WNT3A: variants seen among roughly 807,000 people sequenced by gnomAD.
The protein encoded by WNT3A is protein Wnt-3a.
A neutral mutation model predicts 37.0 loss-of-function variants in WNT3A; 17 were observed. That is an observed-to-expected ratio of 0.46 (90% CI 0.31 to 0.69). WNT3A has a LOEUF of 0.69. Ranked by LOEUF, WNT3A falls within the 30% of genes least tolerant of loss-of-function variation. WNT3A has a pLI of 0.05. For synonymous variants in WNT3A, 187 were observed against 211.0 expected (o/e 0.89, Z 0.99); for missense variants, 411 against 510.2 (o/e 0.81, Z 1.87).
At chr1:228,048,131 C>T (rs929139856) in intron 2 of WNT3A, among the ~76,000 whole-genome samples, 14 of 152,200 alleles carry the variant, frequency 9.2e-5, no homozygotes, top group Admixed American at 2.6e-4. Context: ...CACTGTGGGA[C>T]GTAGCCCTGT....
At position 228,007,315 on chromosome 1, in the gene WNT3A, G is replaced by A. The variant is rs2030226974; in HGVS notation, c.71+116G>A. 9.7e-6 allele frequency: 10 copies of A among 1,031,606 alleles called. No homozygotes were observed. In the South Asian group the frequency reaches 1.4e-4, roughly 14 times the overall value. The allele number at this position is 1,031,606 out of a possible 1,614,324, so 63.9% of individuals were successfully genotyped here. ...GCCCGCGCCCTTCTGCTCCAGCCCC[G>A]CGTGCGGGCCGCGGGCGGTTGGTTT... is the stretch of plus-strand genomic sequence containing the variant. On this transcript the variant is annotated intron_variant, in intron 1 of 3. Transcript: ENST00000284523. The surrounding 1 kb of genome is among the most constrained non-coding windows in gnomAD (Gnocchi z 6.0).
chr1:228,041,509 A>G (rs1037376472), intron 2 of WNT3A, among the ~76,000 whole-genome samples: 3 of 150,844 alleles, frequency 2.0e-5, no homozygotes, highest in South Asian at 2.1e-4. Context: ...TCATCCATCT[A>G]TCCATCAATT....
At chr1:228,016,104 T>A (rs530073827) in intron 1 of WNT3A, among the ~76,000 whole-genome samples, 3 of 152,188 alleles carry the variant, frequency 2.0e-5, no homozygotes, top group African/African-American at 4.8e-5. Context: ...CTTTTGGGGA[T>A]CCTACTGACT....
At chr1:228,035,646 G>A (rs912524515) in intron 2 of WNT3A, among the ~76,000 whole-genome samples, 1 of 152,216 alleles carries the variant, frequency 6.6e-6, no homozygotes, top group Non-Finnish European at 1.5e-5. Context: ...GATTAATGCC[G>A]CAGGCTCTCC....
rs766626407 is a variant in WNT3A, at chr1:228,060,198, G to T, written c.*733G>T. On this transcript the variant is annotated 3_prime_UTR_variant, in exon 4 of 4. Coordinates refer to ENST00000284523, the MANE Select transcript of WNT3A (RefSeq NM_033131.4). Reference sequence around the variant, plus strand: ...CCCTCCTGATTAAGGCGTGGCTTCTGCAGGAATCCCGGCTCCAGAGCAGGA... The same window carrying T: ...CCCTCCTGATTAAGGCGTGGCTTCTTCAGGAATCCCGGCTCCAGAGCAGGA... 7.4e-7 allele frequency: 1 copy of T among 1,351,778 alleles called. No homozygotes were observed. Among genetic ancestry groups the T allele is most frequent in the Non-Finnish European group, 9.8e-7 (1 of 1,021,528 alleles). 83.7% of individuals were successfully genotyped at this position (1,351,778 alleles called of 1,614,324 possible).
chr1:228,007,279 C>A lies in WNT3A; in HGVS notation c.71+80C>A, dbSNP rs1352274495. 7.6e-6 allele frequency: 11 copies of A among 1,443,442 alleles called. No homozygotes were observed. Among genetic ancestry groups the A allele is most frequent in the Middle Eastern group, 1.8e-4 (1 of 5,566 alleles). 89.4% of individuals were successfully genotyped at this position (1,443,442 alleles called of 1,614,324 possible). A position where few individuals can be genotyped will look rare whatever the true frequency, so the allele number is the denominator to read the frequency against. On this transcript the variant is annotated intron_variant, in intron 1 of 3. Transcript: ENST00000284523. The surrounding 1 kb of genome is among the most constrained non-coding windows in gnomAD (Gnocchi z 6.0). ...ACGGTCCCCTCGGGCAGGGACCCCG[C>A]GGTGGCCCGAGCCCGCGCCCTTCTG... is the stretch of plus-strand genomic sequence containing the variant.
Position 228,033,548 on chromosome 1 carries a change from A to G in WNT3A, c.313+10640A>G, listed in dbSNP as rs181116753. On this transcript the variant is annotated intron_variant, in intron 2 of 3. Coordinates refer to ENST00000284523, the MANE Select transcript of WNT3A (RefSeq NM_033131.4). ...ATATGTCTGTCTTTATGCCAGTGCCACACTGTTTTGATTATTGTAGTTTTG... is the reference window on the plus strand; with the variant it reads ...ATATGTCTGTCTTTATGCCAGTGCCGCACTGTTTTGATTATTGTAGTTTTG... Among the ~76,000 whole-genome samples, 329 of 152,266 alleles carry G rather than the reference A, an allele frequency of 2.2e-3. 10 individuals are homozygous for G. Among genetic ancestry groups the G allele is most frequent in the Admixed American group, 0.018 (273 of 15,290 alleles).
intron 1 of WNT3A, among the ~76,000 whole-genome samples, chr1:228,017,395 G>C (rs1558284858): frequency 6.6e-6 from 1 of 152,312 alleles, no homozygotes; most frequent in Non-Finnish European, 1.5e-5. Context: ...CGCAGGAGGA[G>C]GGAAGAGGAG....
rs76309821 is a variant in WNT3A at position 228,041,805 on chromosome 1, C to T, written c.314-8851C>T. On this transcript the variant is annotated intron_variant, in intron 2 of 3. Transcript: ENST00000284523. ...CACACACACCAACAAAGCCTCCCAC[C>T]AGAGATAGGGAAGGCTTCCCCTGGT... 8.3e-3 allele frequency among the ~76,000 whole-genome samples: 1,266 copies of T among 152,306 alleles called. 19 individuals are homozygous for T. Among genetic ancestry groups the T allele is most frequent in the African/African-American group, 0.029 (1,187 of 41,538 alleles).
At position 228,039,698 on chromosome 1, in the gene WNT3A, T is replaced by C. The variant is rs1401042904; in HGVS notation, c.314-10958T>C. Among the ~76,000 whole-genome samples the C allele has an allele frequency of 6.6e-6, 1 of 151,986 alleles. No homozygotes were observed. Among genetic ancestry groups the C allele is most frequent in the East Asian group, 1.9e-4 (1 of 5,164 alleles). On this transcript the variant is annotated intron_variant, in intron 2 of 3. Coordinates refer to ENST00000284523, the MANE Select transcript of WNT3A (RefSeq NM_033131.4). This position sits in a 1 kb window ranked among gnomAD's most constrained non-coding sequence, Gnocchi z 4.1. Reference sequence around the variant, plus strand: ...GCCCCCCACCCCAGTTGAACTTGGGTCCCCAGGGCGGCCCTGCAGTGATTC... The same window carrying C: ...GCCCCCCACCCCAGTTGAACTTGGGCCCCCAGGGCGGCCCTGCAGTGATTC...
intron 1 of WNT3A, among the ~76,000 whole-genome samples, chr1:228,012,671 C>A (rs1188915717): frequency 6.6e-6 from 1 of 152,118 alleles, no homozygotes; most frequent in Non-Finnish European, 1.5e-5. Flanking sequence ...CGCTTCATGT[C>A]TCTGAAGGCT....
intron 1 of WNT3A, among the ~76,000 whole-genome samples, chr1:228,017,455 G>A (rs1362737384): frequency 3.3e-5 from 5 of 152,198 alleles, no homozygotes; most frequent in African/African-American, 7.2e-5. Flanking sequence ...GCTCACACCT[G>A]TAATCTCAGC....
chr1:228,059,881 C>CAGGCGGGGCTCCTCCTGAAGG lies in WNT3A; in HGVS notation c.*428_*448dup. 1.9e-6 allele frequency: 2 copies of CAGGCGGGGCTCCTCCTGAAGG among 1,049,354 alleles called. No homozygotes were observed. The highest frequency in any genetic ancestry group is 2.3e-6 in the Non-Finnish European group (2 of 870,140). 65.0% of individuals were successfully genotyped at this position (1,049,354 alleles called of 1,614,324 possible). ...GGGGCACTAGGTAGGCTTCTACCTGCAGGCGGGGCTCCTCCTGAAGGAGGC... is the reference window on the plus strand; with the variant it reads ...GGGGCACTAGGTAGGCTTCTACCTGCAGGCGGGGCTCCTCCTGAAGGAGGCGGGGCTCCTCCTGAAGGAGGC... On this transcript the variant is annotated 3_prime_UTR_variant, in exon 4 of 4. Coordinates refer to ENST00000284523, the MANE Select transcript of WNT3A (RefSeq NM_033131.4).
At chr1:228,032,355 G>A (rs2031032043) in intron 2 of WNT3A, among the ~76,000 whole-genome samples, 1 of 152,218 alleles carries the variant, frequency 6.6e-6, no homozygotes, top group African/African-American at 2.4e-5. Flanking sequence ...GGGAATCCCA[G>A]CCAGCAGATT....
At chr1:228,013,015 A>G (rs531174986) in intron 1 of WNT3A, among the ~76,000 whole-genome samples, 58 of 152,180 alleles carry the variant, frequency 3.8e-4, no homozygotes, top group Admixed American at 3.7e-3. Context: ...AGTAGCTGGG[A>G]CCACAGGCGA....
chr1:228,014,517 C>T (rs923085148), intron 1 of WNT3A, among the ~76,000 whole-genome samples: 19 of 152,238 alleles, frequency 1.2e-4, no homozygotes, highest in African/African-American at 4.1e-4. Context: ...GCCTGCCAGC[C>T]TCAGAAGGAC....
chr1:228,026,673 T>C (rs964156763), intron 2 of WNT3A, among the ~76,000 whole-genome samples: 3 of 152,166 alleles, frequency 2.0e-5, no homozygotes, highest in African/African-American at 4.8e-5. Context: ...CTTTGTGTTC[T>C]CATAGCTTAG....
Position 228,059,080 on chromosome 1 carries a change from G to A in WNT3A, c.674G>A (p.Arg225His). 1 of 1,613,670 alleles carries A rather than the reference G, an allele frequency of 6.2e-7. No homozygotes were observed. Among genetic ancestry groups the A allele is most frequent in the South Asian group, 1.1e-5 (1 of 91,088 alleles). Residue 225 changes from arginine (R) to histidine (H), a missense_variant, in exon 4 of 4, where the codon CGC (arginine) becomes CAC (histidine). By Grantham distance (29) the Arg-to-His change is conservative. Coordinates refer to ENST00000284523, the MANE Select transcript of WNT3A (RefSeq NM_033131.4). Reference protein sequence around the residue: ...KTCWWSQPDFRAIGDFLKDKY... With the variant: ...KTCWWSQPDFHAIGDFLKDKY... ...TGCTGGTGGTCGCAACCCGACTTCC[G>A]CGCCATCGGTGACTTCCTCAAGGAC...
intron 1 of WNT3A, among the ~76,000 whole-genome samples, chr1:228,021,009 A>G (rs72754294): frequency 6.6e-6 from 1 of 152,328 alleles, no homozygotes; most frequent in Non-Finnish European, 1.5e-5. Context: ...CAGTGCCCAA[A>G]AGGACCTGGT....
Sources: allele counts gnomAD v4.1 joint callset (sites outside exome capture counted in the v4.1 genomes callset), GRCh38; gene constraint gnomAD v4.1.1; non-coding constraint Gnocchi (gnomAD v3.1); transcripts MANE v1.5; gene names NCBI Gene and HGNC (gene_info 2026-07-23, HGNC 2026-07-21).